MED15: variants seen among roughly 807,000 people sequenced by gnomAD.
The protein encoded by MED15 is mediator of RNA polymerase II transcription subunit 15.
MED15 carries 41 observed loss-of-function variants against 118.7 expected under a neutral mutation model. The ratio of observed to expected loss-of-function variants is 0.35; its 90% confidence interval spans 0.27 to 0.45. The LOEUF (loss-of-function observed/expected upper bound fraction) is 0.45, where lower values mean the gene tolerates loss of function less well. MED15 is among the 20% of genes least tolerant of loss of function. MED15 has a pLI of 1.00. For missense variants in MED15, 740 were observed against 1,025.5 expected, an observed-to-expected ratio of 0.72 and a Z score of 3.80; for synonymous variants, 436 against 413.9, an observed-to-expected ratio of 1.05 and a Z score of -0.65.
chr22:20,536,867 G>A (rs2055099539), intron 1 of MED15, among the ~76,000 whole-genome samples: 1 of 152,190 alleles, frequency 6.6e-6, no homozygotes, highest in Admixed American at 6.5e-5. Context: ...CTTCATGCCA[G>A]GGCTCTCTCT....
At chr22:20,509,156 G>A (rs999030195) in intron 1 of MED15, among the ~76,000 whole-genome samples, 1 of 152,096 alleles carries the variant, frequency 6.6e-6, no homozygotes, top group African/African-American at 2.4e-5. Context: ...GGCTCGAGGA[G>A]TAAGAGAGCC....
intron 8 of MED15, among the ~76,000 whole-genome samples, chr22:20,571,059 C>T (rs2056646488): frequency 6.6e-6 from 1 of 152,142 alleles, no homozygotes; most frequent in Non-Finnish European, 1.5e-5. Context: ...TGTGCCCAGC[C>T]GAACTTTCCT....
chr22:20,508,212 TG>T (rs758436851), intron 1 of MED15: 70 of 1,233,748 alleles, frequency 5.7e-5, no homozygotes, highest in Non-Finnish European at 7.2e-5. Flanking sequence ...GTTTGGGGTG[TG>T]GGCGGTGGGA....
At position 20,580,369 on chromosome 22, in the gene MED15, GCCTTGCT is replaced by G. The variant is rs2056946286; in HGVS notation, c.1273-2238_1273-2232del. 2.0e-5 allele frequency among the ~76,000 whole-genome samples: 3 copies of G among 152,210 alleles called. No homozygotes were observed. The East Asian group carries it at 5.8e-4, about 29-fold the overall frequency. On this transcript the variant is annotated intron_variant, in intron 9 of 17. Coordinates refer to ENST00000263205, the MANE Select transcript of MED15 (RefSeq NM_001003891.3). ...GGCAGCCTCTGCCCAGCCTGCAGCT[GCCTTGCT>G]CCTCAGAGAAGCGCTGAGCTTTAGG...
chr22:20,542,406 G>A (rs11914092), intron 2 of MED15, among the ~76,000 whole-genome samples: 17,152 of 152,156 alleles, frequency 0.11, 1,278 homozygotes, highest in Non-Finnish European at 0.15. Context: ...GCAATGAAGG[G>A]CTGATACATG....
At position 20,566,520 on chromosome 22, in the gene MED15, ACAGCAACAGCAGCAGCAGCAG is replaced by A; in HGVS notation, c.750_770del (p.Gln256_Gln262del). 2 of 1,603,492 alleles carry A rather than the reference ACAGCAACAGCAGCAGCAGCAG, an allele frequency of 1.2e-6. No individual in the cohort carries two copies. The highest frequency in any genetic ancestry group is 1.7e-6 in the Non-Finnish European group (2 of 1,174,290). ...GAATAGCACAGCTGCAGCTCCAACA[ACAGCAACAGCAGCAGCAGCAG>A]CAGCAGCAGCAGCAGCAGCAGGCTT... On this transcript the variant is annotated inframe_deletion, in exon 7 of 18. Transcript: ENST00000263205.
chr22:20,521,675 C>T (rs373757815), intron 1 of MED15, among the ~76,000 whole-genome samples: 137 of 151,428 alleles, frequency 9.0e-4, no homozygotes, highest in Admixed American at 1.6e-3. Context: ...GGATTACAGG[C>T]GTGAGCCACT....
chr22:20,573,816 A>C (rs1158381880), intron 8 of MED15: 2 of 152,196 alleles, frequency 1.3e-5, no homozygotes, highest in Non-Finnish European at 2.9e-5. Context: ...AGTGCCGTTG[A>C]GCCCTGCTGC....
chr22:20,538,174 T>C (rs1011428999), intron 2 of MED15, among the ~76,000 whole-genome samples: 1 of 152,198 alleles, frequency 6.6e-6, no homozygotes, highest in Non-Finnish European at 1.5e-5. Context: ...TTCAAACTTT[T>C]GGCCCTACGC....
At chr22:20,516,300 C>T (rs995768930) in intron 1 of MED15, among the ~76,000 whole-genome samples, 10 of 151,282 alleles carry the variant, frequency 6.6e-5, no homozygotes, top group African/African-American at 2.2e-4. Flanking sequence ...GCAACAAGAG[C>T]GAAACTCCGT....
At chr22:20,547,371 G>T (rs986451216) in intron 2 of MED15, among the ~76,000 whole-genome samples, 10 of 152,046 alleles carry the variant, frequency 6.6e-5, no homozygotes, top group African/African-American at 2.4e-4. Context: ...TTTAGGAATT[G>T]GACCTTTTTC....
chr22:20,566,448 C>T lies in MED15; in HGVS notation c.691-19C>T. On this transcript the variant is annotated intron_variant, in intron 6 of 17. Coordinates refer to ENST00000263205, the MANE Select transcript of MED15 (RefSeq NM_001003891.3). ...GAGGCAGATGAGTGATAACCGAGTGCTGCTTGTTCTGTCTCTAGATACAGC... is the reference window on the plus strand; with the variant it reads ...GAGGCAGATGAGTGATAACCGAGTGTTGCTTGTTCTGTCTCTAGATACAGC... 6.2e-7 allele frequency: 1 copy of T among 1,609,564 alleles called. No individual in the cohort carries two copies. The highest frequency in any genetic ancestry group is 1.7e-5 in the Admixed American group (1 of 59,992).
intron 2 of MED15, among the ~76,000 whole-genome samples, chr22:20,548,800 A>C (rs1431746708): frequency 1.3e-5 from 2 of 152,012 alleles, no homozygotes; most frequent in Non-Finnish European, 2.9e-5. Context: ...CAAGTGTGGA[A>C]ATTCTATGAA....
intron 1 of MED15, among the ~76,000 whole-genome samples, chr22:20,516,098 C>T (rs2054247468): frequency 6.6e-6 from 1 of 151,936 alleles, no homozygotes. Flanking sequence ...GGGCGGATCA[C>T]CTGAGGTCAG....
intron 8 of MED15, 57 bp downstream of exon 8, chr22:20,568,688 G>A (rs2056532608): frequency 1.1e-5 from 17 of 1,580,748 alleles, no homozygotes; most frequent in Non-Finnish European, 1.2e-5. Context: ...GTTCACCTGC[G>A]CATGTAGTGC....
intron 1 of MED15, among the ~76,000 whole-genome samples, chr22:20,532,602 T>C (rs940493203): frequency 1.3e-5 from 2 of 152,180 alleles, no homozygotes; most frequent in South Asian, 2.1e-4. Flanking sequence ...GACTGTGTGC[T>C]CTGAGCCGGT....
Position 20,586,486 on chromosome 22 carries a change from C to T in MED15, c.2231-82C>T, listed in dbSNP as rs890866218. ...TGCTTCGGCCCGCGCCTGGGGCTAC[C>T]CCTTCCCAGAGCACTGCCGGGTGTG... On this transcript the variant is annotated intron_variant, in intron 17 of 17. Transcript: ENST00000263205. 7.7e-6 allele frequency: 12 copies of T among 1,564,918 alleles called. No homozygotes were observed. The Admixed American group carries it at 1.2e-4, about 16-fold the overall frequency.
At chr22:20,545,508 T>G (rs1468114232) in intron 2 of MED15, among the ~76,000 whole-genome samples, 2 of 150,914 alleles carry the variant, frequency 1.3e-5, no homozygotes, top group Non-Finnish European at 3.0e-5. Flanking sequence ...CAAAATGCTT[T>G]AAAATTGATT....
intron 13 of MED15, chr22:20,584,109 A>G (rs1383278384): frequency 3.6e-6 from 2 of 552,978 alleles, no homozygotes; most frequent in East Asian, 3.1e-5. Flanking sequence ...TGAGGCATTC[A>G]CAGCCTGATC....
Sources: gnomAD v4.1 joint callset for allele counts (sites outside exome capture counted in the v4.1 genomes callset) on GRCh38, gnomAD v4.1.1 for gene constraint, MANE v1.5 for transcripts, NCBI Gene and HGNC (gene_info 2026-07-23, HGNC 2026-07-21) for gene names.